Variants in NRXN3 observed in about 807,000 individuals in gnomAD.
NRXN3 encodes neurexin 3, also known as neurexin III.
Under a neutral mutation model 137.6 loss-of-function variants are expected in NRXN3, and 32 were observed. That is an observed-to-expected ratio of 0.23 (90% CI 0.18 to 0.31). NRXN3 has a LOEUF of 0.31. Among genes scored for constraint, NRXN3 ranks in the 10% least tolerant of loss-of-function variants. NRXN3 has a pLI of 1.00. For synonymous variants in NRXN3, 798 were observed against 784.5 expected, an observed-to-expected ratio of 1.02 and a Z score of -0.29; for missense variants, 1,574 against 2,062.5, an observed-to-expected ratio of 0.76 and a Z score of 4.59.
chr14:78,802,182 T>C (rs77401111), intron 8 of NRXN3, among the ~76,000 whole-genome samples: 9,642 of 152,282 alleles, frequency 0.063, 529 homozygotes, highest in African/African-American at 0.14. Context: ...TTGAACATCA[T>C]AGTGTTTCAA....
intron 8 of NRXN3, among the ~76,000 whole-genome samples, chr14:78,734,053 G>C (rs567958251): frequency 1.1e-3 from 161 of 152,232 alleles, no homozygotes; most frequent in Middle Eastern, 3.4e-3. Flanking sequence ...ATCTCAGTCA[G>C]AATAGAACTT....
intron 15 of NRXN3, among the ~76,000 whole-genome samples, chr14:79,023,865 G>A (rs980518750): frequency 6.6e-6 from 1 of 152,228 alleles, no homozygotes; most frequent in South Asian, 2.1e-4. Context: ...ATGAGATTTG[G>A]ATGGGGATGC....
intron 16 of NRXN3, among the ~76,000 whole-genome samples, chr14:79,511,637 A>G (rs997941179): frequency 3.9e-5 from 6 of 152,112 alleles, no homozygotes; most frequent in Non-Finnish European, 8.8e-5. Flanking sequence ...CTCTTAGTCA[A>G]TCTTTGCAAA....
At chr14:78,845,273 A>T (rs2099023437) in intron 10 of NRXN3, among the ~76,000 whole-genome samples, 2 of 152,114 alleles carry the variant, frequency 1.3e-5, no homozygotes, top group African/African-American at 4.8e-5. Flanking sequence ...TTGTGTTACT[A>T]CATAGTGTTA....
intron 16 of NRXN3, 112 bp from the exon 17 acceptor site, chr14:79,663,666 T>C (rs1201408350): frequency 5.1e-5 from 40 of 789,598 alleles, no homozygotes; most frequent in Non-Finnish European, 7.4e-5. Flanking sequence ...ATCTTCATGC[T>C]GACAGCTCCC....
chr14:79,775,904 A>T (rs1262664212), intron 19 of NRXN3, among the ~76,000 whole-genome samples: 1 of 152,220 alleles, frequency 6.6e-6, no homozygotes, highest in African/African-American at 2.4e-5. Flanking sequence ...ATACCCTCAC[A>T]TAACTTGTCC....
chr14:79,230,239 G>T (rs1350730042), intron 15 of NRXN3, among the ~76,000 whole-genome samples: 3 of 152,052 alleles, frequency 2.0e-5, no homozygotes, highest in Non-Finnish European at 4.4e-5. Flanking sequence ...AAGAAAGAAG[G>T]CCTGGTGTGA....
intron 19 of NRXN3, among the ~76,000 whole-genome samples, chr14:79,759,454 A>T (rs921781015): frequency 6.6e-6 from 1 of 151,494 alleles, no homozygotes; most frequent in African/African-American, 2.4e-5. Context: ...TAAAAAAAAA[A>T]TACCTTACGT....
intron 4 of NRXN3, among the ~76,000 whole-genome samples, chr14:78,503,222 C>A (rs1244548813): frequency 6.6e-6 from 1 of 152,056 alleles, no homozygotes; most frequent in Admixed American, 6.6e-5. Context: ...TGTTTGTTTG[C>A]CCTTAGGTTA....
At chr14:79,510,488 A>T (rs1365786083) in intron 16 of NRXN3, among the ~76,000 whole-genome samples, 1 of 152,254 alleles carries the variant, frequency 6.6e-6, no homozygotes, top group East Asian at 1.9e-4. Context: ...ACCTTGCCTC[A>T]CTCCTGCATG....
At chr14:79,152,661 A>G (rs1009538964) in intron 15 of NRXN3, among the ~76,000 whole-genome samples, 9 of 152,096 alleles carry the variant, frequency 5.9e-5, no homozygotes, top group Non-Finnish European at 1.2e-4. Context: ...TTATAAAACC[A>G]TCAGATATCT....
chr14:79,712,423 C>T (rs2098807688), intron 19 of NRXN3, among the ~76,000 whole-genome samples: 1 of 152,154 alleles, frequency 6.6e-6, no homozygotes, highest in Non-Finnish European at 1.5e-5. Context: ...TTTGTAATAT[C>T]GCCTATTGAA....
At chr14:78,957,062 T>C (rs118095201) in intron 10 of NRXN3, among the ~76,000 whole-genome samples, 180 bp from the exon 11 acceptor site, 2,997 of 152,340 alleles carry the variant, frequency 0.02, 61 homozygotes, top group South Asian at 0.086. Context: ...ATTGAGACTT[T>C]TGCATTTGGG....
intron 15 of NRXN3, among the ~76,000 whole-genome samples, chr14:79,060,587 G>A (rs1192151513): frequency 6.6e-6 from 1 of 152,024 alleles, no homozygotes; most frequent in Non-Finnish European, 1.5e-5. Context: ...CATCAAAAGA[G>A]CCAAAGTAAT....
intron 15 of NRXN3, among the ~76,000 whole-genome samples, chr14:79,262,024 C>T (rs1250413470): frequency 1.3e-5 from 2 of 152,010 alleles, no homozygotes; most frequent in Admixed American, 6.6e-5. Flanking sequence ...GTATCCAAGG[C>T]ATCAGAGAAG....
chr14:79,373,957 T>C (rs1488577391), intron 15 of NRXN3, among the ~76,000 whole-genome samples: 2 of 152,154 alleles, frequency 1.3e-5, no homozygotes, highest in African/African-American at 4.8e-5. Flanking sequence ...TTCAGAGCTC[T>C]GGTAACAGGA....
At chr14:78,207,307 C>T (rs1011380773) in intron 1 of NRXN3, among the ~76,000 whole-genome samples, 3 of 152,132 alleles carry the variant, frequency 2.0e-5, no homozygotes, top group Non-Finnish European at 4.4e-5. Context: ...CAGAGCCCTG[C>T]CACCCACCTT....
chr14:78,684,726 C>T (rs527606306), intron 6 of NRXN3, among the ~76,000 whole-genome samples: 19 of 152,094 alleles, frequency 1.2e-4, no homozygotes, highest in Non-Finnish European at 2.6e-4. Flanking sequence ...CCCACAAGTT[C>T]GAGGCTGCAG....
At chr14:78,191,385 A>G (rs1001974491) in intron 1 of NRXN3, among the ~76,000 whole-genome samples, 2 of 152,078 alleles carry the variant, frequency 1.3e-5, no homozygotes, top group Non-Finnish European at 2.9e-5. Context: ...TTGAACCTAG[A>G]CTGACTCCAG....
Sources: allele counts gnomAD v4.1 joint callset (sites outside exome capture counted in the v4.1 genomes callset), GRCh38; gene constraint gnomAD v4.1.1; transcripts MANE v1.5; gene names NCBI Gene and HGNC (gene_info 2026-07-23, HGNC 2026-07-21).